Variants in CACNA2D3 observed in about 807,000 individuals in gnomAD.
CACNA2D3 encodes the protein calcium voltage-gated channel auxiliary subunit alpha2delta 3.
Under a neutral mutation model 160.6 loss-of-function variants are expected in CACNA2D3, and 60 were observed. The ratio of observed to expected loss-of-function variants is 0.37; its 90% CI spans 0.30 to 0.46. The LOEUF (loss-of-function observed/expected upper bound fraction) is 0.46, where lower values mean the gene tolerates loss of function less well. CACNA2D3 is among the 20% of genes least tolerant of loss of function. The pLI is 1.00. For synonymous variants in CACNA2D3, 558 were observed against 492.9 expected (o/e 1.13, Z -1.75); for missense variants, 1,205 against 1,365.0 (o/e 0.88, Z 1.85).
intron 2 of CACNA2D3, among the ~76,000 whole-genome samples, chr3:54,157,734 C>T (rs1182610242): frequency 1.3e-5 from 2 of 150,924 alleles, no homozygotes; most frequent in South Asian, 2.1e-4. Context: ...GGGGTTGCAG[C>T]GAGCCGAGAT....
intron 12 of CACNA2D3, among the ~76,000 whole-genome samples, chr3:54,757,098 A>G (rs547781114): frequency 5.9e-5 from 9 of 152,362 alleles, no homozygotes; most frequent in African/African-American, 2.2e-4. Context: ...CGACTAGCCC[A>G]GACATTTCAC....
Position 54,216,024 on chromosome 3 carries a change from G to C in CACNA2D3, c.204+92430G>C, listed in dbSNP as rs78385995. 4.9e-3 allele frequency among the ~76,000 whole-genome samples: 740 copies of C among 152,026 alleles called. 6 individuals are homozygous for C. Among genetic ancestry groups the C allele is most frequent in the Admixed American group, 8.0e-3 (122 of 15,282 alleles). On this transcript the variant is annotated intron_variant, in intron 2 of 37. Coordinates refer to ENST00000474759, the MANE Select transcript of CACNA2D3 (RefSeq NM_018398.3). Reference sequence around the variant, plus strand: ...AATAAAAACCCGTCAGTCCTGTGTTGGTCCCCCGAATTAGGTGGTCTTCAC... The same window carrying C: ...AATAAAAACCCGTCAGTCCTGTGTTCGTCCCCCGAATTAGGTGGTCTTCAC...
At chr3:54,321,866 A>G (rs1039862346) in intron 3 of CACNA2D3, among the ~76,000 whole-genome samples, 1 of 145,392 alleles carries the variant, frequency 6.9e-6, no homozygotes, top group African/African-American at 2.5e-5. Flanking sequence ...GGTTGTGCCA[A>G]TTCACAGCTG....
At chr3:54,221,517 G>T (rs1364260230) in intron 2 of CACNA2D3, among the ~76,000 whole-genome samples, 1 of 152,132 alleles carries the variant, frequency 6.6e-6, no homozygotes, top group Admixed American at 6.5e-5. Context: ...ATCTCTAAGA[G>T]AGTTAATCCA....
At chr3:54,270,357 A>G (rs1246483821) in intron 2 of CACNA2D3, among the ~76,000 whole-genome samples, 2 of 152,200 alleles carry the variant, frequency 1.3e-5, no homozygotes, top group African/African-American at 4.8e-5. Flanking sequence ...CGAGTGTTGC[A>G]GGAATTAATC....
intron 9 of CACNA2D3, among the ~76,000 whole-genome samples, chr3:54,595,323 T>TGGGTGG (rs143145735): frequency 1.3e-5 from 2 of 150,032 alleles, no homozygotes; most frequent in African/African-American, 4.9e-5. Flanking sequence ...GGTGTGTGTG[T>TGGGTGG]GTGTGTGTGT....
At chr3:55,033,055 A>G (rs1695803590) in intron 35 of CACNA2D3, among the ~76,000 whole-genome samples, 2 of 152,082 alleles carry the variant, frequency 1.3e-5, no homozygotes, top group African/African-American at 4.8e-5. Context: ...AGAAGCTCAG[A>G]TTCCCAAGAG....
intron 2 of CACNA2D3, among the ~76,000 whole-genome samples, chr3:54,226,949 C>G (rs1253022198): frequency 6.6e-6 from 1 of 152,174 alleles, no homozygotes; most frequent in Admixed American, 6.5e-5. Context: ...CTCCTATAGT[C>G]TAGTCCATCA....
intron 2 of CACNA2D3, among the ~76,000 whole-genome samples, chr3:54,163,784 C>A (rs1239529284): frequency 6.6e-6 from 1 of 152,138 alleles, no homozygotes; most frequent in Non-Finnish European, 1.5e-5. Context: ...TGCCTTGGTC[C>A]CCAGAGTGAC....
chr3:54,368,609 A>G (rs888586815), intron 3 of CACNA2D3, among the ~76,000 whole-genome samples: 13 of 151,052 alleles, frequency 8.6e-5, no homozygotes, highest in Non-Finnish European at 5.9e-5. Context: ...TTGAATTTCC[A>G]TTATATAACT....
intron 16 of CACNA2D3, among the ~76,000 whole-genome samples, chr3:54,842,652 G>A (rs1399873984): frequency 6.7e-6 from 1 of 148,562 alleles, no homozygotes; most frequent in East Asian, 2.0e-4. Context: ...CCAGGCTGGA[G>A]TACCGTGGCA....
chr3:54,754,854 A>T (rs1701941538), intron 12 of CACNA2D3, among the ~76,000 whole-genome samples: 1 of 152,100 alleles, frequency 6.6e-6, no homozygotes, highest in African/African-American at 2.4e-5. Context: ...CAAGCCACCA[A>T]AGTTGTTCCC....
intron 2 of CACNA2D3, among the ~76,000 whole-genome samples, chr3:54,195,507 G>A (rs912043794): frequency 6.6e-6 from 1 of 150,628 alleles, no homozygotes; most frequent in African/African-American, 2.4e-5. Context: ...AACTTTTACA[G>A]TATTAAGGCA....
intron 29 of CACNA2D3, 46 bp downstream of exon 29, chr3:54,969,890 T>C: frequency 6.5e-7 from 1 of 1,534,258 alleles, no homozygotes; most frequent in East Asian, 2.3e-5. Context: ...GGATAGAAGG[T>C]GACAGATGGT....
chr3:54,138,820 A>G (rs1387802534), intron 2 of CACNA2D3, among the ~76,000 whole-genome samples: 3 of 152,206 alleles, frequency 2.0e-5, no homozygotes, highest in South Asian at 2.1e-4. Flanking sequence ...GGTGACTATT[A>G]TATTTGCATG....
intron 11 of CACNA2D3, among the ~76,000 whole-genome samples, chr3:54,657,382 A>G (rs1239528766): frequency 6.6e-6 from 1 of 152,122 alleles, no homozygotes; most frequent in Non-Finnish European, 1.5e-5. Context: ...TGATTAGAAC[A>G]CTTAACGTGA....
At chr3:54,400,242 G>A (rs551729701) in intron 4 of CACNA2D3, among the ~76,000 whole-genome samples, 78 of 150,772 alleles carry the variant, frequency 5.2e-4, no homozygotes, top group African/African-American at 1.8e-3. Context: ...AGATGGAAAT[G>A]CAGAAATCAC....
intron 2 of CACNA2D3, among the ~76,000 whole-genome samples, chr3:54,310,625 C>T (rs1703717449): frequency 6.6e-6 from 1 of 152,036 alleles, no homozygotes; most frequent in Non-Finnish European, 1.5e-5. Flanking sequence ...TTGCCCAGAG[C>T]AACATCGGGA....
At chr3:54,324,490 AT>A (rs1704078849) in intron 3 of CACNA2D3, among the ~76,000 whole-genome samples, 1 of 152,166 alleles carries the variant, frequency 6.6e-6, no homozygotes, top group Non-Finnish European at 1.5e-5. Context: ...CATTAACATA[AT>A]GGTGCCATCA....
Sources: gnomAD v4.1 joint callset for allele counts (sites outside exome capture counted in the v4.1 genomes callset) on GRCh38, gnomAD v4.1.1 for gene constraint, MANE v1.5 for transcripts, NCBI Gene and HGNC (gene_info 2026-07-23, HGNC 2026-07-21) for gene names.